MAST4: variants seen among roughly 807,000 people sequenced by gnomAD.
MAST4 encodes the protein microtubule-associated serine/threonine-protein kinase 4.
Under a neutral mutation model 162.7 loss-of-function variants are expected in MAST4, and 89 were observed. The ratio of observed to expected loss-of-function variants is 0.55; its 90% CI spans 0.46 to 0.65. The LOEUF (loss-of-function observed/expected upper bound fraction) is 0.65, where lower values mean the gene tolerates loss of function less well. Among genes scored for constraint, MAST4 ranks in the 30% least tolerant of loss-of-function variants. The pLI, the probability that MAST4 is intolerant of heterozygous loss-of-function variation, is 0.00. For synonymous variants in MAST4, 1,479 were observed against 1,361.1 expected (o/e 1.09, Z -1.91); for missense variants, 3,153 against 3,374.0 (o/e 0.93, Z 1.62).
intron 3 of MAST4, among the ~76,000 whole-genome samples, chr5:66,872,680 G>A (rs993945112): frequency 2.6e-5 from 4 of 152,226 alleles, no homozygotes; most frequent in South Asian, 2.1e-4. Context: ...GACTAGCTTC[G>A]AATAAGTCAT....
At chr5:66,984,809 T>C (rs1263074516) in intron 4 of MAST4, among the ~76,000 whole-genome samples, 1 of 152,040 alleles carries the variant, frequency 6.6e-6, no homozygotes, top group African/African-American at 2.4e-5. Flanking sequence ...GGATGGGTCC[T>C]AGATTGTCCA....
chr5:66,650,198 G>T (rs1746127678), intron 1 of MAST4, among the ~76,000 whole-genome samples: 1 of 152,116 alleles, frequency 6.6e-6, no homozygotes. Context: ...TGGTGGCTCT[G>T]CTTCAAGCTG....
At chr5:66,715,881 T>C (rs144822501) in intron 1 of MAST4, among the ~76,000 whole-genome samples, 1 of 152,234 alleles carries the variant, frequency 6.6e-6, no homozygotes, top group East Asian at 1.9e-4. Flanking sequence ...TTTAATGCTT[T>C]AACTTTTAAT....
At position 66,877,387 on chromosome 5, in the gene MAST4, G is replaced by C. The variant is rs139894553; in HGVS notation, c.643-22564G>C. ...TCTGTACAGCAACCTGAGGATTTTG[G>C]GTACTGTTAGCACCATGTTGCAGAT... On this transcript the variant is annotated intron_variant, in intron 3 of 28. Coordinates refer to ENST00000403625, the MANE Select transcript of MAST4 (RefSeq NM_001164664.2). 1.2e-3 allele frequency among the ~76,000 whole-genome samples: 185 copies of C among 152,252 alleles called. 1 individual carries two copies. Among genetic ancestry groups the C allele is most frequent in the African/African-American group, 4.3e-3 (179 of 41,536 alleles).
At chr5:66,742,406 C>G (rs904209201) in intron 1 of MAST4, among the ~76,000 whole-genome samples, 13 of 152,012 alleles carry the variant, frequency 8.6e-5, no homozygotes, top group African/African-American at 3.1e-4. Flanking sequence ...CTCTTATTGG[C>G]TAAGATTAGT....
chr5:66,899,080 G>A (rs746128785), intron 3 of MAST4, among the ~76,000 whole-genome samples: 7 of 152,254 alleles, frequency 4.6e-5, no homozygotes, highest in Admixed American at 1.3e-4. Flanking sequence ...GTCATAATGC[G>A]CTTCATTTTG....
chr5:66,840,959 A>G (rs1162477010), intron 3 of MAST4, among the ~76,000 whole-genome samples: 2 of 152,186 alleles, frequency 1.3e-5, no homozygotes, highest in Non-Finnish European at 2.9e-5. Flanking sequence ...AAGAGCACTG[A>G]AGCACACTAC....
intron 1 of MAST4, among the ~76,000 whole-genome samples, chr5:66,688,993 A>C (rs1442020950): frequency 1.3e-5 from 2 of 152,168 alleles, no homozygotes; most frequent in Non-Finnish European, 2.9e-5. Flanking sequence ...TAGAACCTCA[A>C]AAGGGCTTTT....
At chr5:66,641,886 G>T (rs1745509584) in intron 1 of MAST4, among the ~76,000 whole-genome samples, 2 of 152,132 alleles carry the variant, frequency 1.3e-5, no homozygotes, top group Admixed American at 1.3e-4. Flanking sequence ...CTTTGAAAAT[G>T]ATAAATAGGA....
At chr5:66,745,719 T>A (rs1580348388) in intron 1 of MAST4, among the ~76,000 whole-genome samples, 1 of 152,356 alleles carries the variant, frequency 6.6e-6, no homozygotes, top group South Asian at 2.1e-4. Flanking sequence ...GTCCCGACTT[T>A]TGCCATGTTG....
intron 1 of MAST4, among the ~76,000 whole-genome samples, chr5:66,645,429 G>A (rs1356059570): frequency 2.0e-5 from 3 of 152,200 alleles, no homozygotes; most frequent in South Asian, 4.1e-4. Context: ...GTGCAAAGAC[G>A]ATGCCTAGGC....
chr5:66,618,826 A>G (rs1049022040), intron 1 of MAST4, among the ~76,000 whole-genome samples: 1 of 152,060 alleles, frequency 6.6e-6, no homozygotes, highest in African/African-American at 2.4e-5. Flanking sequence ...TTCTGACTTA[A>G]TTTTGCTGAA....
At chr5:66,718,758 T>C (rs901429467) in intron 1 of MAST4, among the ~76,000 whole-genome samples, 2 of 152,212 alleles carry the variant, frequency 1.3e-5, no homozygotes, top group Non-Finnish European at 2.9e-5. Context: ...TTGAATCTTC[T>C]TCCTCTTTTG....
chr5:66,618,361 C>T (rs1168220688), intron 1 of MAST4, among the ~76,000 whole-genome samples: 1 of 152,130 alleles, frequency 6.6e-6, no homozygotes. Context: ...GACCTGTTTT[C>T]CTTTCAAGTG....
intron 1 of MAST4, among the ~76,000 whole-genome samples, chr5:66,714,267 C>T (rs1393056905): frequency 3.3e-5 from 5 of 152,108 alleles, no homozygotes; most frequent in South Asian, 2.1e-4. Context: ...TTGTTAGTTG[C>T]GCATGGATAT....
At chr5:66,791,905 T>TTA (rs1243179616) in intron 3 of MAST4, among the ~76,000 whole-genome samples, 1 of 152,218 alleles carries the variant, frequency 6.6e-6, no homozygotes, top group African/African-American at 2.4e-5. Flanking sequence ...GATTTCTTTA[T>TTA]TAATCTGCTG....
chr5:67,009,610 A>C (rs10055631), intron 4 of MAST4, among the ~76,000 whole-genome samples: 35,300 of 152,214 alleles, frequency 0.23, 4,346 homozygotes, highest in Non-Finnish European at 0.27. Flanking sequence ...TGCTTAATGA[A>C]ATGACTGGCA....
chr5:66,926,807 G>A lies in MAST4; in HGVS notation c.674+26825G>A, dbSNP rs375628693. On this transcript the variant is annotated intron_variant, in intron 4 of 28. Transcript: ENST00000403625. ...AAATGAAAGTGATAGGACTGTGGCC[G>A]AGGAGCACCATCATTTTGGGTGGGT... 3.7e-4 allele frequency among the ~76,000 whole-genome samples: 57 copies of A among 152,196 alleles called. 2 individuals carry two copies. The highest frequency in any genetic ancestry group is 1.3e-3 in the African/African-American group (54 of 41,528).
intron 5 of MAST4, among the ~76,000 whole-genome samples, chr5:67,075,416 T>C (rs1316152190): frequency 6.6e-6 from 1 of 151,992 alleles, no homozygotes; most frequent in Non-Finnish European, 1.5e-5. Context: ...GCTCAAGTGA[T>C]CCACTGACCT....
Sources: gnomAD v4.1 joint callset for allele counts (sites outside exome capture counted in the v4.1 genomes callset) on GRCh38, gnomAD v4.1.1 for gene constraint, MANE v1.5 for transcripts, NCBI Gene and HGNC (gene_info 2026-07-23, HGNC 2026-07-21) for gene names.